The following TEKTL1 variants were observed in gnomAD, a reference collection of about 807,000 sequenced individuals.
The protein encoded by TEKTL1 is tektin-like protein 1.
At chr19:15,017,326 G>A in the TEKTL1 span, among the ~76,000 whole-genome samples, 195 of 152,212 alleles carry the variant, frequency 1.3e-3, 1 homozygote, top group African/African-American at 4.4e-3. Flanking sequence ...AGAAATGTAT[G>A]GCATGATGGA....
the TEKTL1 span, among the ~76,000 whole-genome samples, chr19:15,015,840 T>C: frequency 8.2e-3 from 1,244 of 152,314 alleles, 14 homozygotes; most frequent in African/African-American, 0.021. Flanking sequence ...AAACATGTTA[T>C]GTCATATCTA....
At chr19:15,012,403 A>G in the TEKTL1 span, among the ~76,000 whole-genome samples, 7 of 152,082 alleles carry the variant, frequency 4.6e-5, no homozygotes, top group Admixed American at 4.6e-4. Flanking sequence ...CTCTGCACCA[A>G]AGTTTAAAAA....
the TEKTL1 span, among the ~76,000 whole-genome samples, chr19:15,015,628 A>G: frequency 3.3e-4 from 50 of 152,196 alleles, no homozygotes; most frequent in African/African-American, 1.1e-3. Context: ...TCATGGGTAC[A>G]GATCTGTTGG....
the TEKTL1 span, among the ~76,000 whole-genome samples, chr19:15,012,032 G>A: frequency 2.0e-5 from 3 of 151,922 alleles, no homozygotes; most frequent in Non-Finnish European, 4.4e-5. Context: ...GATGCGGGAG[G>A]ATTGCTTGAG....
At chr19:15,022,648 T>C in the TEKTL1 span, among the ~76,000 whole-genome samples, 120,017 of 151,352 alleles carry the variant, frequency 0.79, 47,924 homozygotes, top group Admixed American at 0.84. Context: ...TATTATTAAG[T>C]ACCCTTCCTA....
chr19:15,020,640 T>C, the TEKTL1 span: 2 of 1,613,426 alleles, frequency 1.2e-6, no homozygotes, highest in East Asian at 2.2e-5. Context: ...CTCCAGACCC[T>C]GTGGGCACCT....
the TEKTL1 span, among the ~76,000 whole-genome samples, chr19:15,022,387 G>A: frequency 6.6e-6 from 1 of 152,016 alleles, no homozygotes; most frequent in Admixed American, 6.6e-5. Context: ...GGAGTGCAGT[G>A]GTGCAATCTT....
chr19:15,020,548 G>A, the TEKTL1 span: 110 of 1,613,958 alleles, frequency 6.8e-5, 2 homozygotes, highest in South Asian at 1.0e-3. Flanking sequence ...TCTGGACAAG[G>A]TTCTGGAGCA....
chr19:15,022,248 G>A, the TEKTL1 span, among the ~76,000 whole-genome samples: 17 of 152,328 alleles, frequency 1.1e-4, no homozygotes, highest in African/African-American at 4.1e-4. Context: ...GGTGAGGACA[G>A]ATGAGTTCAT....
the TEKTL1 span, among the ~76,000 whole-genome samples, chr19:15,013,973 G>T: frequency 6.6e-6 from 1 of 152,096 alleles, no homozygotes; most frequent in East Asian, 1.9e-4. Flanking sequence ...GAATAACAAC[G>T]AACAACCACT....
the TEKTL1 span, among the ~76,000 whole-genome samples, chr19:15,018,442 C>T: frequency 1.3e-5 from 2 of 151,832 alleles, no homozygotes; most frequent in South Asian, 4.1e-4. Context: ...GGCACAGCAG[C>T]TCGCGCCTGT....
the TEKTL1 span, chr19:15,020,316 A>C: frequency 1.4e-6 from 1 of 732,042 alleles, no homozygotes; most frequent in Non-Finnish European, 2.2e-6. Flanking sequence ...TCAAAAAAAA[A>C]AAAAAATGAG....
chr19:15,011,432 G>C, the TEKTL1 span: 1 of 1,390,874 alleles, frequency 7.2e-7, no homozygotes, highest in Non-Finnish European at 9.4e-7. Context: ...CAGCCTAACT[G>C]CAAAGACTGA....
At chr19:15,011,294 C>T in the TEKTL1 span, 5 of 1,523,270 alleles carry the variant, frequency 3.3e-6, no homozygotes, top group Non-Finnish European at 4.4e-6. Flanking sequence ...GCTGCTGCGC[C>T]AGCGCGAGGT....
At chr19:15,021,531 A>T in the TEKTL1 span, 1 of 1,613,660 alleles carries the variant, frequency 6.2e-7, no homozygotes, top group East Asian at 2.2e-5. Context: ...TGAGCGCATT[A>T]CCTGCGGCTG....
At chr19:15,014,343 G>A in the TEKTL1 span, among the ~76,000 whole-genome samples, 1 of 152,112 alleles carries the variant, frequency 6.6e-6, no homozygotes, top group African/African-American at 2.4e-5. Context: ...TCATCCTTTT[G>A]ATAAATACTA....
the TEKTL1 span, among the ~76,000 whole-genome samples, chr19:15,016,090 G>C: frequency 6.6e-6 from 1 of 151,624 alleles, no homozygotes; most frequent in Non-Finnish European, 1.5e-5. Context: ...GAGGAGGGGA[G>C]AAGAAGGGAC....
the TEKTL1 span, among the ~76,000 whole-genome samples, chr19:15,022,464 G>T: frequency 6.6e-6 from 1 of 151,944 alleles, no homozygotes; most frequent in African/African-American, 2.4e-5. Flanking sequence ...GAGTAGCTGG[G>T]ATTACAGGTG....
At chr19:15,021,773 G>T in the TEKTL1 span, 1 of 1,612,654 alleles carries the variant, frequency 6.2e-7, no homozygotes, top group Non-Finnish European at 8.5e-7. Flanking sequence ...TGGAGGCTGG[G>T]TTTCAATGCG....
Sources: gnomAD v4.1 joint callset for allele counts (sites outside exome capture counted in the v4.1 genomes callset) on GRCh38, gnomAD v4.1.1 for gene constraint, MANE v1.5 for transcripts, NCBI Gene and HGNC (gene_info 2026-07-23, HGNC 2026-07-21) for gene names.